ACACB: variants seen among roughly 807,000 people sequenced by gnomAD.
ACACB encodes the protein acetyl-CoA carboxylase beta.
Under a neutral mutation model 278.8 loss-of-function variants are expected in ACACB, and 209 were observed. That is an observed-to-expected ratio of 0.75 (90% CI 0.67 to 0.84). The LOEUF is 0.84. Among genes scored for constraint, ACACB ranks in the 40% least tolerant of loss-of-function variants. The pLI, the probability that ACACB is intolerant of heterozygous loss-of-function variation, is 0.00. For missense variants in ACACB, 2,850 were observed against 3,269.0 expected (o/e 0.87, Z 3.13); for synonymous variants, 1,174 against 1,285.6 (o/e 0.91, Z 1.86).
rs889421938 is a variant in ACACB, at chr12:109,265,113, A to G, written c.6946A>G (p.Ile2316Val). 1 of 1,607,092 alleles carries G rather than the reference A, an allele frequency of 6.2e-7. No homozygotes were observed. Among genetic ancestry groups the G allele is most frequent in the African/African-American group, 1.3e-5 (1 of 74,828 alleles). ...TTCAAGCCTGGCTCGTCCACAGGAC[A>G]TCCTGGAGTGGAAGACCGCACGCAC... Reference protein sequence around the residue: ...RMLEKGVISDILEWKTARTFL... With the variant: ...RMLEKGVISDVLEWKTARTFL... Residue 2316 changes from isoleucine (I) to valine (V), a missense_variant, in exon 51 of 53, where the codon ATC becomes GTC. Transcript: ENST00000338432.
chr12:109,242,616 G>A (rs973395931), intron 37 of ACACB, 24 bp downstream of exon 37: 3 of 1,612,814 alleles, frequency 1.9e-6, no homozygotes, highest in African/African-American at 1.3e-5. Flanking sequence ...CTCAGACGCG[G>A]TACCCCCTGG....
At chr12:109,252,384 A>C in intron 42 of ACACB, 2 of 373,862 alleles carry the variant, frequency 5.3e-6, no homozygotes, top group Non-Finnish European at 9.5e-6. Context: ...CTGACATTTT[A>C]AAACAAATTA....
chr12:109,227,543 C>T, intron 28 of ACACB, 54 bp downstream of exon 28: 1 of 1,536,840 alleles, frequency 6.5e-7, no homozygotes, highest in Non-Finnish European at 9.0e-7. Flanking sequence ...TTCCTGACCT[C>T]TGTCGTCCTG....
chr12:109,263,576 G>A (rs572267754), intron 49 of ACACB: 64 of 152,250 alleles, frequency 4.2e-4, no homozygotes, highest in African/African-American at 1.4e-3. Context: ...TCTTTGGCTG[G>A]TATCAGGGTA....
intron 27 of ACACB, among the ~76,000 whole-genome samples, chr12:109,225,806 A>G (rs143596366): frequency 1.3e-5 from 2 of 152,348 alleles, no homozygotes; most frequent in East Asian, 3.9e-4. Flanking sequence ...TGGAAAATAC[A>G]CACTCCATTC....
intron 16 of ACACB, among the ~76,000 whole-genome samples, chr12:109,195,273 G>T (rs1395834757): frequency 6.6e-6 from 1 of 152,236 alleles, no homozygotes; most frequent in Non-Finnish European, 1.5e-5. Flanking sequence ...GACAGAGTTT[G>T]AGTCTGCTTA....
rs1438828145 is a variant in ACACB, at chr12:109,139,910, T to C, written c.505T>C (p.Ser169Pro). The change falls in exon 2 of 53, where the codon TCT becomes CCT. Residue 169 changes from serine to proline, a missense_variant. This residue lies in a region of ACACB where 2,265 missense variants were observed against 2,561.3 expected (regional missense o/e 0.88). Transcript: ENST00000338432. ...RQLMTNFILG[S>P]FDDYSSDEDS... is the part of the protein sequence containing the mutation. ...GCTGATGACCAACTTCATCCTGGGC[T>C]CTTTTGATGACTACTCCTCCGACGA... 1 of 1,614,168 alleles carries C rather than the reference T, an allele frequency of 6.2e-7. No homozygotes were observed. The highest frequency in any genetic ancestry group is 1.3e-5 in the African/African-American group (1 of 75,054).
intron 2 of ACACB, 132 bp downstream of exon 2, chr12:109,140,190 G>A: frequency 3.9e-6 from 3 of 769,214 alleles, no homozygotes; most frequent in Non-Finnish European, 5.6e-6. Flanking sequence ...TGCACAAAAG[G>A]AGAAGACACG....
chr12:109,123,591 G>A (rs1476439656), intron 1 of ACACB, among the ~76,000 whole-genome samples: 1 of 151,812 alleles, frequency 6.6e-6, no homozygotes, highest in African/African-American at 2.4e-5. Flanking sequence ...TACTCAGGAG[G>A]CTGAGGCAGG....
Position 109,166,678 on chromosome 12 carries a change from C to CAA in ACACB, c.654-183_654-182insAA, listed in dbSNP as rs1491297525. Among the ~76,000 whole-genome samples the CAA allele has an allele frequency of 2.3e-4, 16 of 68,170 alleles. 2 individuals are homozygous for CAA. The South Asian group carries it at 4.3e-3, about 18-fold the overall frequency. The allele number at this position is 68,170 out of a possible 152,430, so 44.7% of individuals were successfully genotyped here. On this transcript the variant is annotated intron_variant, in intron 2 of 52. Transcript: ENST00000338432. ...AAAAAAAAAAAAAAAAAAAAAAAAA[C>CAA]CGAAGGTGCTTCCTGCCCTTGAGCC... is the stretch of plus-strand genomic sequence containing the variant.
intron 2 of ACACB, 121 bp from the exon 3 acceptor site, chr12:109,166,740 T>C: frequency 8.2e-7 from 1 of 1,220,166 alleles, no homozygotes; most frequent in Non-Finnish European, 1.1e-6. Context: ...GGAGAGCAAG[T>C]GCAAAGCAGG....
chr12:109,161,943 G>A (rs1026687039), intron 2 of ACACB, among the ~76,000 whole-genome samples: 4 of 132,440 alleles, frequency 3.0e-5, no homozygotes, highest in Non-Finnish European at 7.1e-5. Context: ...TGTCCCTTGG[G>A]TTGCATCTAC....
chr12:109,223,086 G>A (rs575151624), intron 26 of ACACB, among the ~76,000 whole-genome samples, 174 bp downstream of exon 26: 12 of 152,270 alleles, frequency 7.9e-5, no homozygotes, highest in Admixed American at 7.2e-4. Flanking sequence ...GGTCACCTGG[G>A]GAGACTCTAG....
At chr12:109,222,410 C>T in intron 24 of ACACB, 97 bp from the exon 25 acceptor site, 1 of 1,108,158 alleles carries the variant, frequency 9.0e-7, no homozygotes, top group Non-Finnish European at 1.4e-6. Flanking sequence ...GAGCAGCCGC[C>T]TGGCTTTTGC....
At chr12:109,191,802 C>T (rs368930452) in intron 14 of ACACB, 39 bp downstream of exon 14, 20 of 1,613,928 alleles carry the variant, frequency 1.2e-5, no homozygotes, top group African/African-American at 9.3e-5. Context: ...TCTGGATGGC[C>T]GAGACCTCGG....
At chr12:109,241,681 G>A (rs1313092071) in intron 36 of ACACB, 2 of 240,258 alleles carry the variant, frequency 8.3e-6, no homozygotes, top group Non-Finnish European at 1.7e-5. Context: ...GTGCACTACT[G>A]TGGTTGACTG....
At chr12:109,253,843 C>A (rs1323510713) in intron 43 of ACACB, among the ~76,000 whole-genome samples, 1 of 152,172 alleles carries the variant, frequency 6.6e-6, no homozygotes, top group Non-Finnish European at 1.5e-5. Context: ...CCCCTTTTCC[C>A]CATCTGCATG....
At chr12:109,143,067 C>T (rs577782563) in intron 2 of ACACB, among the ~76,000 whole-genome samples, 204 of 152,152 alleles carry the variant, frequency 1.3e-3, no homozygotes, top group Non-Finnish European at 1.9e-3. Flanking sequence ...GGATTGTGGG[C>T]GATTCAAAGG....
chr12:109,232,895 G>A (rs989224182), intron 29 of ACACB, 89 bp downstream of exon 29: 133 of 1,509,964 alleles, frequency 8.8e-5, no homozygotes, highest in Middle Eastern at 1.9e-4. Context: ...TGGACAGATG[G>A]GGTGGGAGAG....
Sources: gnomAD v4.1 joint callset for allele counts (sites outside exome capture counted in the v4.1 genomes callset) on GRCh38, gnomAD v4.1.1 for gene constraint, gnomAD v4.1.1 regional missense constraint, MANE v1.5 for transcripts, NCBI Gene and HGNC (gene_info 2026-07-23, HGNC 2026-07-21) for gene names.